MINDY4: variants seen among roughly 807,000 people sequenced by gnomAD.
The protein encoded by MINDY4 is MINDY lysine 48 deubiquitinase 4, also known as probable ubiquitin carboxyl-terminal hydrolase MINDY-4.
In MINDY4, 68 loss-of-function variants were observed where a neutral mutation model predicts 87.0. That is an observed-to-expected ratio of 0.78 (90% confidence interval 0.64 to 0.96). MINDY4 has a LOEUF of 0.96. Ranked by LOEUF, MINDY4 falls within the 40% of genes least tolerant of loss-of-function variation. The pLI is 0.00. For missense variants in MINDY4, 919 were observed against 928.2 expected (o/e 0.99, Z 0.13); for synonymous variants, 379 against 363.2 (o/e 1.04, Z -0.50).
intron 15 of MINDY4, among the ~76,000 whole-genome samples, chr7:30,881,611 A>T (rs1352009895): frequency 6.6e-6 from 1 of 152,164 alleles, no homozygotes; most frequent in Non-Finnish European, 1.5e-5. Context: ...TAAGGGTATG[A>T]TCTGTCGAGC....
Position 30,862,216 on chromosome 7 carries a change from C to T in MINDY4, c.1745+2892C>T, listed in dbSNP as rs573958195. Among the ~76,000 whole-genome samples the T allele has an allele frequency of 7.2e-5, 11 of 152,294 alleles. No homozygotes were observed. The East Asian group carries it at 2.1e-3, about 29-fold the overall frequency. ...CTGAGTGGAGCTAACCCTCCTACCC[C>T]ACCTGGAGCCCAGGGGAGACTCCTG... On this transcript the variant is annotated intron_variant, in intron 13 of 17. Coordinates refer to ENST00000265299, the MANE Select transcript of MINDY4 (RefSeq NM_032222.3).
At chr7:30,823,820 A>G (rs1788415623) in intron 5 of MINDY4, among the ~76,000 whole-genome samples, 1 of 152,158 alleles carries the variant, frequency 6.6e-6, no homozygotes, top group Admixed American at 6.5e-5. Context: ...TAGGACTTAA[A>G]AAAACAAATA....
intron 9 of MINDY4, among the ~76,000 whole-genome samples, chr7:30,844,322 G>C (rs1789136935): frequency 6.6e-6 from 1 of 152,180 alleles, no homozygotes; most frequent in African/African-American, 2.4e-5. Context: ...GCTGTCACAG[G>C]GAGACAAGCT....
chr7:30,823,299 T>G (rs1429742854), intron 5 of MINDY4, among the ~76,000 whole-genome samples: 1 of 152,256 alleles, frequency 6.6e-6, no homozygotes, highest in Non-Finnish European at 1.5e-5. Context: ...CATCCAGTTG[T>G]ATTGGCATCT....
intron 5 of MINDY4, among the ~76,000 whole-genome samples, chr7:30,817,524 G>A (rs892360356): frequency 1.3e-5 from 2 of 152,142 alleles, no homozygotes; most frequent in Non-Finnish European, 2.9e-5. Context: ...GTTATACAGA[G>A]TCACTGATGG....
intron 17 of MINDY4, among the ~76,000 whole-genome samples, chr7:30,890,285 C>T (rs1313953146): frequency 6.6e-6 from 1 of 152,236 alleles, no homozygotes; most frequent in Admixed American, 6.5e-5. Context: ...CTAGGGAGCA[C>T]AACGTAGGGC....
At position 30,839,182 on chromosome 7, in the gene MINDY4, T is replaced by A; in HGVS notation, c.1240-18T>A. 2 of 1,536,022 alleles carry A rather than the reference T, an allele frequency of 1.3e-6. No homozygotes were observed. The highest frequency in any genetic ancestry group is 2.4e-5 in the South Asian group (2 of 84,678). On this transcript the variant is annotated intron_variant, in intron 7 of 17. Transcript: ENST00000265299. ...TTGCTTTTAAAACAACCAGTAAAAC[T>A]CTCTCTTCTTTTTATAGGAAATAAA... is the stretch of plus-strand genomic sequence containing the variant.
chr7:30,835,643 G>T (rs1480611492), intron 6 of MINDY4, among the ~76,000 whole-genome samples: 1 of 152,188 alleles, frequency 6.6e-6, no homozygotes, highest in Admixed American at 6.5e-5. Flanking sequence ...TAAGATATAA[G>T]CTGTGTGTCC....
At position 30,872,269 on chromosome 7, in the gene MINDY4, C is replaced by T. The variant is rs767772648; in HGVS notation, c.1772C>T (p.Thr591Ile). 5.0e-6 allele frequency: 8 copies of T among 1,614,050 alleles called. No individual in the cohort carries two copies. The highest frequency in any genetic ancestry group is 6.8e-6 in the Non-Finnish European group (8 of 1,180,014). ...ATCCGCCAGGACTTTGATGTCCCCA[C>T]CAGCCACCTGATTGGAGCACATGGC... ...ELIRQDFDVP[T>I]SHLIGAHGYC... The change falls in exon 14 of 18, where the codon ACC becomes ATC. Residue 591 changes from threonine (T) to isoleucine (I), a missense_variant. Thr to Ile is a moderately conservative substitution (Grantham distance 89). Transcript: ENST00000265299.
Position 30,791,300 on chromosome 7 carries a change from C to G in MINDY4, c.799C>G (p.Pro267Ala). 1 of 1,614,192 alleles carries G rather than the reference C, an allele frequency of 6.2e-7. No individual in the cohort carries two copies. The highest frequency in any genetic ancestry group is 2.2e-5 in the East Asian group (1 of 44,878). Residue 267 changes from proline (P) to alanine (A), a missense_variant, in exon 5 of 18, where the codon CCC (proline) becomes GCC (alanine). Pro to Ala is a conservative substitution (Grantham distance 27, BLOSUM62 -1). Coordinates refer to ENST00000265299, the MANE Select transcript of MINDY4 (RefSeq NM_032222.3). Reference sequence around the variant, plus strand: ...CATTCTGGCTTCGAGCAACAGCTCCCCCTCCAGGACCTCCCTGGGTCAGCT... The same window carrying G: ...CATTCTGGCTTCGAGCAACAGCTCCGCCTCCAGGACCTCCCTGGGTCAGCT... ...QDILASSNSSPSRTSLGQLSE... is the reference protein window; with the variant it reads ...QDILASSNSSASRTSLGQLSE...
chr7:30,887,582 A>G (rs749851352), intron 17 of MINDY4, among the ~76,000 whole-genome samples: 8 of 152,238 alleles, frequency 5.3e-5, no homozygotes, highest in African/African-American at 1.2e-4. Flanking sequence ...AGCGTGAGCC[A>G]GCGAGGACCA....
At chr7:30,833,069 C>G (rs181435268) in intron 6 of MINDY4, among the ~76,000 whole-genome samples, 1 of 152,276 alleles carries the variant, frequency 6.6e-6, no homozygotes, top group African/African-American at 2.4e-5. Flanking sequence ...TACCCAGCAC[C>G]ATGTTTTTAA....
chr7:30,787,578 A>G (rs1478080272), intron 4 of MINDY4, among the ~76,000 whole-genome samples: 3 of 152,144 alleles, frequency 2.0e-5, no homozygotes, highest in African/African-American at 7.2e-5. Flanking sequence ...TGGCACCATT[A>G]TTGGGTTGAG....
chr7:30,839,608 T>C (rs1788972152), intron 8 of MINDY4, among the ~76,000 whole-genome samples: 1 of 152,082 alleles, frequency 6.6e-6, no homozygotes, highest in South Asian at 2.1e-4. Flanking sequence ...GAGAGAGCAG[T>C]AGGAGGCCTT....
chr7:30,881,650 G>A lies in MINDY4; in HGVS notation c.1972-531G>A, dbSNP rs776244901. On this transcript the variant is annotated intron_variant, in intron 15 of 17. Coordinates refer to ENST00000265299, the MANE Select transcript of MINDY4 (RefSeq NM_032222.3). Reference sequence around the variant, plus strand: ...AGGCAGAGGTGCTGCGGCTGAGGTGGGTGGGCACCTAGTGATGTGCTCCCT... The same window carrying A: ...AGGCAGAGGTGCTGCGGCTGAGGTGAGTGGGCACCTAGTGATGTGCTCCCT... Among the ~76,000 whole-genome samples the A allele has an allele frequency of 2.4e-3, 367 of 152,284 alleles. 4 individuals carry two copies. The highest frequency in any genetic ancestry group is 3.6e-3 in the Non-Finnish European group (246 of 68,032).
chr7:30,842,442 A>T (rs1562550420), intron 9 of MINDY4, among the ~76,000 whole-genome samples: 1 of 152,206 alleles, frequency 6.6e-6, no homozygotes, highest in East Asian at 1.9e-4. Flanking sequence ...GAACTTTGCT[A>T]AGTAAGAACC....
chr7:30,821,084 T>C (rs566549292), intron 5 of MINDY4, among the ~76,000 whole-genome samples: 5 of 152,320 alleles, frequency 3.3e-5, no homozygotes, highest in African/African-American at 1.2e-4. Context: ...AAATGTGAGA[T>C]TTTAAGAAGC....
At chr7:30,777,587 G>A (rs1462546047) in intron 1 of MINDY4, among the ~76,000 whole-genome samples, 1 of 152,124 alleles carries the variant, frequency 6.6e-6, no homozygotes, top group Admixed American at 6.5e-5. Flanking sequence ...TGTTTCCCCA[G>A]CAGCTAGAGC....
At chr7:30,844,787 C>T (rs767897988) in intron 9 of MINDY4, among the ~76,000 whole-genome samples, 25 of 152,142 alleles carry the variant, frequency 1.6e-4, no homozygotes, top group Non-Finnish European at 3.1e-4. Context: ...GGTACCAGAC[C>T]GGGTCAGGAC....
Sources: allele counts gnomAD v4.1 joint callset (sites outside exome capture counted in the v4.1 genomes callset), GRCh38; gene constraint gnomAD v4.1.1; transcripts MANE v1.5; gene names NCBI Gene and HGNC (gene_info 2026-07-23, HGNC 2026-07-21).